Variants in MARCHF1 observed in about 807,000 individuals in gnomAD.
The protein encoded by MARCHF1 is membrane associated ring-CH-type finger 1.
In MARCHF1, 40 loss-of-function variants were observed where a neutral mutation model predicts 54.2. That is an observed-to-expected ratio of 0.74 (90% CI 0.57 to 0.96). The LOEUF (loss-of-function observed/expected upper bound fraction) is 0.96. Among genes scored for constraint, MARCHF1 ranks in the 40% least tolerant of loss-of-function variants. MARCHF1 has a pLI of 0.00. For missense variants in MARCHF1, 586 were observed against 656.5 expected (o/e 0.89, Z 1.17); for synonymous variants, 236 against 236.3 (o/e 1.00, Z 0.01).
At chr4:163,717,876 G>A (rs1044974211) in intron 4 of MARCHF1, among the ~76,000 whole-genome samples, 1 of 152,012 alleles carries the variant, frequency 6.6e-6, no homozygotes, top group African/African-American at 2.4e-5. Context: ...CGTCCTGGAG[G>A]CATCATGCTA....
intron 3 of MARCHF1, among the ~76,000 whole-genome samples, chr4:163,926,403 T>A (rs1200775206): frequency 6.6e-6 from 1 of 151,466 alleles, no homozygotes; most frequent in Non-Finnish European, 1.5e-5. Context: ...GACATTTGGA[T>A]TTTTTTTCAG....
chr4:164,153,611 T>G (rs1243862663), intron 1 of MARCHF1, among the ~76,000 whole-genome samples: 1 of 152,142 alleles, frequency 6.6e-6, no homozygotes, highest in East Asian at 1.9e-4. Context: ...TTAGCATTTA[T>G]GAATAAATGA....
At chr4:164,310,006 T>C (rs1734805128) in intron 1 of MARCHF1, among the ~76,000 whole-genome samples, 1 of 152,078 alleles carries the variant, frequency 6.6e-6, no homozygotes, top group Non-Finnish European at 1.5e-5. Flanking sequence ...TAAAAAAAAA[T>C]CTGTAGGTAC....
chr4:163,664,759 T>C (rs1743472022), intron 5 of MARCHF1, among the ~76,000 whole-genome samples: 1 of 152,056 alleles, frequency 6.6e-6, no homozygotes. Context: ...AATTTGTCTA[T>C]AAACATATTA....
rs146769238 is a variant in MARCHF1, at chr4:163,753,505, A to C, written c.112-52642T>G. On this transcript the variant is annotated intron_variant, in intron 4 of 9. Coordinates refer to ENST00000514618, the MANE Select transcript of MARCHF1 (RefSeq NM_001394959.1). ...TCATGGAAAGTTGTCTGTAGGAGAG[A>C]AGATATTGTCATAAATAGCCTGAGA... Among the ~76,000 whole-genome samples the C allele has an allele frequency of 4.6e-5, 7 of 152,126 alleles. No homozygotes were observed. In the East Asian group the frequency reaches 1.4e-3, roughly 29 times the overall value.
intron 1 of MARCHF1, among the ~76,000 whole-genome samples, chr4:164,222,913 T>C (rs944966603): frequency 1.3e-5 from 2 of 152,060 alleles, no homozygotes; most frequent in African/African-American, 4.8e-5. Context: ...TAAAGAAGTT[T>C]AATTGACTCA....
intron 1 of MARCHF1, among the ~76,000 whole-genome samples, chr4:164,165,328 T>C (rs1403512463): frequency 1.1e-4 from 17 of 151,382 alleles, no homozygotes; most frequent in Admixed American, 1.1e-3. Flanking sequence ...AATTAATGTT[T>C]TTATAGGAAG....
At chr4:164,379,024 AT>A in intron 1 of MARCHF1, among the ~76,000 whole-genome samples, 1 of 152,244 alleles carries the variant, frequency 6.6e-6, no homozygotes, top group Admixed American at 6.5e-5. Flanking sequence ...AGTCTTTATA[AT>A]TTTTATATAC....
chr4:164,368,196 G>GA (rs35189860), intron 1 of MARCHF1, among the ~76,000 whole-genome samples: 104 of 147,098 alleles, frequency 7.1e-4, no homozygotes, highest in African/African-American at 1.2e-3. Context: ...AATCCTAGGT[G>GA]AAAAAAAAAA....
intron 4 of MARCHF1, among the ~76,000 whole-genome samples, chr4:163,771,175 G>C (rs1284921983): frequency 6.6e-6 from 1 of 152,100 alleles, no homozygotes; most frequent in Non-Finnish European, 1.5e-5. Flanking sequence ...TTTTTAATTA[G>C]GAGCTATTTT....
chr4:164,278,295 G>A (rs530117070), intron 1 of MARCHF1, among the ~76,000 whole-genome samples: 2 of 152,284 alleles, frequency 1.3e-5, no homozygotes, highest in South Asian at 4.1e-4. Flanking sequence ...GGGTAATAGA[G>A]TAAGACCCTG....
chr4:164,062,561 G>A (rs1754641604), intron 2 of MARCHF1, among the ~76,000 whole-genome samples: 2 of 152,094 alleles, frequency 1.3e-5, no homozygotes, highest in African/African-American at 4.8e-5. Context: ...GTCTCGCTCT[G>A]TTGCCCAGGC....
chr4:163,630,057 C>A (rs1742018070), intron 5 of MARCHF1, among the ~76,000 whole-genome samples: 2 of 152,114 alleles, frequency 1.3e-5, no homozygotes. Context: ...ATAAACCTAC[C>A]ATATAACCTA....
intron 7 of MARCHF1, among the ~76,000 whole-genome samples, chr4:163,588,241 T>A (rs1740475059): frequency 1.3e-5 from 2 of 152,108 alleles, no homozygotes; most frequent in Admixed American, 1.3e-4. Flanking sequence ...GAAAGGCCAA[T>A]ATGTTAAGGG....
intron 1 of MARCHF1, among the ~76,000 whole-genome samples, chr4:164,283,506 C>G (rs1325230105): frequency 6.6e-6 from 1 of 150,724 alleles, no homozygotes; most frequent in African/African-American, 2.4e-5. Flanking sequence ...AATAGAACAC[C>G]GGAAAAGGAC....
chr4:164,031,196 T>A (rs1753869320), intron 2 of MARCHF1, among the ~76,000 whole-genome samples: 3 of 152,308 alleles, frequency 2.0e-5, no homozygotes, highest in Admixed American at 6.5e-5. Flanking sequence ...AATTTGATAT[T>A]CAACTTCTTC....
chr4:163,862,836 G>A (rs571046537), intron 3 of MARCHF1, among the ~76,000 whole-genome samples: 1 of 152,038 alleles, frequency 6.6e-6, no homozygotes, highest in East Asian at 1.9e-4. Flanking sequence ...ATAGGTGAAT[G>A]GATAAACAAA....
At chr4:163,732,543 A>C (rs1183376380) in intron 4 of MARCHF1, among the ~76,000 whole-genome samples, 1 of 152,216 alleles carries the variant, frequency 6.6e-6, no homozygotes, top group African/African-American at 2.4e-5. Flanking sequence ...AAAAACATGA[A>C]GAAAATATAC....
intron 2 of MARCHF1, among the ~76,000 whole-genome samples, chr4:164,081,232 A>ACC (rs1446631704): frequency 1.4e-5 from 2 of 143,536 alleles, no homozygotes; most frequent in African/African-American, 5.4e-5. Flanking sequence ...AAAAAAAAAA[A>ACC]AAAAAGAAAT....
Sources: allele counts gnomAD v4.1 joint callset (sites outside exome capture counted in the v4.1 genomes callset), GRCh38; gene constraint gnomAD v4.1.1; transcripts MANE v1.5; gene names NCBI Gene and HGNC (gene_info 2026-07-23, HGNC 2026-07-21).